APBA2: variants seen among roughly 807,000 people sequenced by gnomAD.
APBA2 encodes the protein amyloid-beta A4 precursor protein-binding family A member 2.
APBA2 carries 30 observed loss-of-function variants against 75.0 expected under a neutral mutation model. The ratio of observed to expected loss-of-function variants is 0.40; its 90% CI spans 0.30 to 0.54. The LOEUF (loss-of-function observed/expected upper bound fraction) is 0.54, where lower values mean the gene tolerates loss of function less well. APBA2 is among the 20% of genes least tolerant of loss of function. The pLI is 0.49. For missense variants in APBA2, 801 were observed against 1,016.1 expected, an observed-to-expected ratio of 0.79 and a Z score of 2.88; for synonymous variants, 444 against 409.6, an observed-to-expected ratio of 1.08 and a Z score of -1.01.
chr15:29,092,717 G>A (rs2043636701), intron 6 of APBA2, among the ~76,000 whole-genome samples: 1 of 152,150 alleles, frequency 6.6e-6, no homozygotes, highest in Non-Finnish European at 1.5e-5. Context: ...CATGAGTTCC[G>A]GGGCTGTGGG....
At chr15:28,931,860 A>G (rs1363920748) in intron 2 of APBA2, among the ~76,000 whole-genome samples, 2 of 152,268 alleles carry the variant, frequency 1.3e-5, no homozygotes. Flanking sequence ...AAATAATTGC[A>G]GAGTAATATT....
At chr15:28,925,261 G>T (rs545448155) in intron 2 of APBA2, among the ~76,000 whole-genome samples, 1 of 152,120 alleles carries the variant, frequency 6.6e-6, no homozygotes, top group Non-Finnish European at 1.5e-5. Context: ...CTTTTTAAAC[G>T]TTGTTAGATT....
In APBA2 at chr15:28,975,438, C is replaced by G. The variant is rs1011317540; in HGVS notation, c.-94-20315C>G. ...GAACCCTTTAAAAATGGTTTTGAGA[C>G]AACTGGATAGCCATTTGGAAAAAGA... On this transcript the variant is annotated intron_variant, in intron 2 of 14. Coordinates refer to ENST00000683413, the MANE Select transcript of APBA2 (RefSeq NM_001353788.2). 2.0e-5 allele frequency among the ~76,000 whole-genome samples: 3 copies of G among 152,240 alleles called. No individual in the cohort carries two copies. The East Asian group carries it at 5.8e-4, about 29-fold the overall frequency.
intron 2 of APBA2, among the ~76,000 whole-genome samples, chr15:28,978,347 A>T (rs2152762907): frequency 6.6e-6 from 1 of 152,328 alleles, no homozygotes; most frequent in Non-Finnish European, 1.5e-5. Context: ...GATGACTATG[A>T]GAAGATGCCC....
rs1277945908 is a variant in APBA2, at chr15:28,918,945, C to T, written c.-204-2695C>T. 6.6e-6 allele frequency among the ~76,000 whole-genome samples: 1 copy of T among 151,938 alleles called. No individual in the cohort carries two copies. Among genetic ancestry groups the T allele is most frequent in the African/African-American group, 2.4e-5 (1 of 41,362 alleles). ...CGCTATCTTGGCTCACTGCAAGCTC[C>T]GCCTCCAGGGTTCACGCCATTCTCC... On this transcript the variant is annotated intron_variant, in intron 1 of 14. Coordinates refer to ENST00000683413, the MANE Select transcript of APBA2 (RefSeq NM_001353788.2). The surrounding 1 kb of genome is among the most constrained non-coding windows in gnomAD (Gnocchi z 4.2).
chr15:29,100,564 T>C (rs1197163861), intron 9 of APBA2, among the ~76,000 whole-genome samples: 1 of 152,188 alleles, frequency 6.6e-6, no homozygotes, highest in Non-Finnish European at 1.5e-5. Context: ...CAAAAAACCA[T>C]CAAGAGTCAT....
intron 2 of APBA2, among the ~76,000 whole-genome samples, chr15:28,962,912 T>C (rs1418745661): frequency 2.0e-5 from 3 of 152,188 alleles, no homozygotes; most frequent in Admixed American, 6.5e-5. Flanking sequence ...CATACAGATA[T>C]ATCAGTATGG....
intron 2 of APBA2, among the ~76,000 whole-genome samples, chr15:28,971,721 T>C (rs59089284): frequency 0.041 from 6,304 of 152,182 alleles, 269 homozygotes; most frequent in East Asian, 0.17. Context: ...ATCTCTCTCC[T>C]TAATTAAAAA....
intron 6 of APBA2, among the ~76,000 whole-genome samples, chr15:29,090,541 C>T (rs1221868753): frequency 1.3e-5 from 2 of 152,180 alleles, no homozygotes; most frequent in African/African-American, 4.8e-5. Context: ...GCTGGCCTCC[C>T]AGCCTCCCCA....
intron 3 of APBA2, among the ~76,000 whole-genome samples, chr15:29,005,062 G>A (rs1324251061): frequency 6.6e-6 from 1 of 152,088 alleles, no homozygotes; most frequent in Non-Finnish European, 1.5e-5. Context: ...CCCCCCAGGT[G>A]GTGCAGTTGC....
intron 6 of APBA2, among the ~76,000 whole-genome samples, chr15:29,089,248 G>T (rs1173602426): frequency 1.3e-5 from 2 of 152,188 alleles, no homozygotes; most frequent in African/African-American, 2.4e-5. Flanking sequence ...CAGTGAACTT[G>T]GGCAAAGCCA....
At chr15:28,967,532 G>A (rs1423108793) in intron 2 of APBA2, among the ~76,000 whole-genome samples, 4 of 152,002 alleles carry the variant, frequency 2.6e-5, no homozygotes, top group Non-Finnish European at 5.9e-5. Context: ...TCCGCCTCCC[G>A]GGTTCACACC....
intron 3 of APBA2, among the ~76,000 whole-genome samples, chr15:29,007,260 C>T (rs2039166354): frequency 6.6e-6 from 1 of 152,156 alleles, no homozygotes; most frequent in Non-Finnish European, 1.5e-5. Flanking sequence ...AAGACCTGAA[C>T]ATAAGAGCTG....
intron 3 of APBA2, among the ~76,000 whole-genome samples, chr15:29,049,854 A>G (rs2041512387): frequency 1.3e-5 from 2 of 152,316 alleles, no homozygotes; most frequent in South Asian, 2.1e-4. Context: ...AAAATGTGAA[A>G]TGGGTGCTAT....
intron 2 of APBA2, chr15:28,970,410 T>A (rs976671675): frequency 6.7e-6 from 1 of 149,974 alleles, no homozygotes; most frequent in Admixed American, 6.7e-5. Flanking sequence ...GGCACCGTGG[T>A]TCATGCTTGT....
At chr15:28,950,588 C>T (rs980209689) in intron 2 of APBA2, among the ~76,000 whole-genome samples, 3 of 150,442 alleles carry the variant, frequency 2.0e-5, no homozygotes, top group Non-Finnish European at 2.9e-5. Flanking sequence ...GATCACGCCA[C>T]TGCACTCCAC....
At chr15:28,957,095 T>C (rs949654945) in intron 2 of APBA2, among the ~76,000 whole-genome samples, 1 of 152,072 alleles carries the variant, frequency 6.6e-6, no homozygotes, top group Admixed American at 6.6e-5. Flanking sequence ...TCTTTTGAGA[T>C]GGAGTCTCGT....
rs1458376441 is a variant in APBA2 at position 28,914,860 on chromosome 15, G to T, written c.-204-6780G>T. 1.8e-3 allele frequency among the ~76,000 whole-genome samples: 277 copies of T among 151,996 alleles called. 1 individual carries two copies. The highest frequency in any genetic ancestry group is 6.4e-3 in the African/African-American group (264 of 41,400). Reference sequence around the variant, plus strand: ...CCTGGCCTTGGCTGAGGTCGTCATCGCTGTGTGTCCCGGGCTGCCGGCCTG... The same window carrying T: ...CCTGGCCTTGGCTGAGGTCGTCATCTCTGTGTGTCCCGGGCTGCCGGCCTG... On this transcript the variant is annotated intron_variant, in intron 1 of 14. Coordinates refer to ENST00000683413, the MANE Select transcript of APBA2 (RefSeq NM_001353788.2).
At chr15:28,940,682 C>T (rs1398119844) in intron 2 of APBA2, among the ~76,000 whole-genome samples, 1 of 152,152 alleles carries the variant, frequency 6.6e-6, no homozygotes, top group Non-Finnish European at 1.5e-5. Flanking sequence ...ACCAATCACA[C>T]GGAGCACCCC....
Sources: gnomAD v4.1 joint callset for allele counts (sites outside exome capture counted in the v4.1 genomes callset) on GRCh38, gnomAD v4.1.1 for gene constraint, Gnocchi (gnomAD v3.1) non-coding constraint, MANE v1.5 for transcripts, NCBI Gene and HGNC (gene_info 2026-07-23, HGNC 2026-07-21) for gene names.